The following SGCG variants were observed in gnomAD, a reference collection of about 807,000 sequenced individuals.
The protein encoded by SGCG is gamma-sarcoglycan.
SGCG carries 26 observed loss-of-function variants against 29.3 expected under a neutral mutation model. The observed-to-expected ratio is 0.89, with a 90% confidence interval of 0.65 to 1.23. SGCG has a LOEUF of 1.23. Among genes scored for constraint, SGCG ranks in the 50% most tolerant of loss-of-function variants. SGCG has a pLI of 0.00. For missense variants in SGCG, 353 were observed against 356.0 expected (o/e 0.99, Z 0.07); for synonymous variants, 145 against 129.7 (o/e 1.12, Z -0.80).
intron 4 of SGCG, among the ~76,000 whole-genome samples, chr13:23,251,060 G>A (rs1879946070): frequency 6.6e-6 from 1 of 152,130 alleles, no homozygotes; most frequent in Non-Finnish European, 1.5e-5. Context: ...AGAGACCAGT[G>A]GCTGAGAGCC....
At chr13:23,210,668 G>A (rs1316888946) in intron 2 of SGCG, among the ~76,000 whole-genome samples, 5 of 152,162 alleles carry the variant, frequency 3.3e-5, no homozygotes, top group Admixed American at 3.3e-4. Context: ...TCCAGCCTGG[G>A]CGACAGAGCA....
At chr13:23,282,298 A>G (rs1881336282) in intron 5 of SGCG, among the ~76,000 whole-genome samples, 1 of 152,224 alleles carries the variant, frequency 6.6e-6, no homozygotes, top group African/African-American at 2.4e-5. Flanking sequence ...AACATTGTGT[A>G]GTGCAGGCTT....
intron 6 of SGCG, among the ~76,000 whole-genome samples, chr13:23,298,210 G>A (rs960548262): frequency 6.6e-6 from 1 of 151,842 alleles, no homozygotes; most frequent in Admixed American, 6.6e-5. Context: ...ACAAAAATTA[G>A]CCAGGCGTGG....
At chr13:23,193,561 TG>T (rs1292053518) in intron 1 of SGCG, among the ~76,000 whole-genome samples, 1 of 152,044 alleles carries the variant, frequency 6.6e-6, no homozygotes, top group Non-Finnish European at 1.5e-5. Flanking sequence ...GCTTCTGAGA[TG>T]ATCAACTGGG....
intron 3 of SGCG, among the ~76,000 whole-genome samples, chr13:23,250,073 C>T (rs1257865668): frequency 6.6e-6 from 1 of 151,990 alleles, no homozygotes; most frequent in African/African-American, 2.4e-5. Flanking sequence ...TGTGTATTTT[C>T]TAATGTCTTA....
intron 4 of SGCG, among the ~76,000 whole-genome samples, chr13:23,258,919 C>T (rs1301089695): frequency 6.6e-6 from 1 of 152,056 alleles, no homozygotes. Flanking sequence ...GGTGGCTAAG[C>T]TTTTTGATGT....
At chr13:23,186,185 T>A (rs569047072) in intron 1 of SGCG, among the ~76,000 whole-genome samples, 1 of 152,330 alleles carries the variant, frequency 6.6e-6, no homozygotes, top group South Asian at 2.1e-4. Context: ...CATTCAACTC[T>A]GAAGGGTCTT....
At chr13:23,239,165 T>C (rs1228729032) in intron 3 of SGCG, among the ~76,000 whole-genome samples, 3 of 152,096 alleles carry the variant, frequency 2.0e-5, no homozygotes, top group South Asian at 4.1e-4. Flanking sequence ...CAAGGTACAT[T>C]GTAATTAAAT....
Position 23,206,602 on chromosome 13 carries a change from A to C in SGCG, c.195+2713A>C, listed in dbSNP as rs372107322. On this transcript the variant is annotated intron_variant, in intron 2 of 7. Coordinates refer to ENST00000218867, the MANE Select transcript of SGCG (RefSeq NM_000231.3). ...TTCCACATCTTGATTGACTACTATA[A>C]ATAGTGCTACAATGAACATGAAAGT... 3.3e-3 allele frequency among the ~76,000 whole-genome samples: 502 copies of C among 152,298 alleles called. 1 individual carries two copies. Among genetic ancestry groups the C allele is most frequent in the African/African-American group, 0.011 (473 of 41,566 alleles).
At chr13:23,223,354 ATAATT>A in intron 2 of SGCG, among the ~76,000 whole-genome samples, 1 of 151,972 alleles carries the variant, frequency 6.6e-6, no homozygotes, top group South Asian at 2.1e-4. Context: ...TATAGATGAA[ATAATT>A]TAAAGCATTC....
chr13:23,278,621 T>A (rs370072779), intron 4 of SGCG, among the ~76,000 whole-genome samples: 90 of 152,250 alleles, frequency 5.9e-4, no homozygotes, highest in African/African-American at 2.0e-3. Flanking sequence ...CTGAGGTGCG[T>A]GTGTAGCTGA....
At chr13:23,321,868 A>G (rs1245022088) in intron 7 of SGCG, among the ~76,000 whole-genome samples, 2 of 152,078 alleles carry the variant, frequency 1.3e-5, no homozygotes, top group Non-Finnish European at 2.9e-5. Flanking sequence ...GGCTTACAGC[A>G]CACAGTGCTC....
intron 4 of SGCG, among the ~76,000 whole-genome samples, chr13:23,266,802 C>T (rs1213767838): frequency 6.6e-6 from 1 of 152,156 alleles, no homozygotes; most frequent in African/African-American, 2.4e-5. Flanking sequence ...TTTCCTTACA[C>T]CATGATTGGA....
intron 1 of SGCG, among the ~76,000 whole-genome samples, chr13:23,190,690 C>A (rs761599607): frequency 6.6e-6 from 1 of 152,138 alleles, no homozygotes; most frequent in Non-Finnish European, 1.5e-5. Context: ...ACATTAAATT[C>A]TTGTAATTGA....
intron 6 of SGCG, among the ~76,000 whole-genome samples, chr13:23,309,990 G>A (rs1882502056): frequency 6.6e-6 from 1 of 151,072 alleles, no homozygotes; most frequent in Admixed American, 6.6e-5. Flanking sequence ...TTTAATGCAA[G>A]GTTTGTATGT....
At chr13:23,178,047 G>T (rs1413273025), upstream of SGCG, among the ~76,000 whole-genome samples, 1 of 152,162 alleles carries the variant, frequency 6.6e-6, no homozygotes, top group Non-Finnish European at 1.5e-5. Context: ...GAAGGCATGT[G>T]TGTCAGGTCA....
intron 4 of SGCG, among the ~76,000 whole-genome samples, chr13:23,269,882 TG>T (rs66491038): frequency 0.012 from 1,200 of 97,738 alleles, 42 homozygotes; most frequent in East Asian, 0.072. Context: ...TTGTTTTTTT[TG>T]TTTTTTTTTG....
At chr13:23,167,184 C>T in the SGCG span, among the ~76,000 whole-genome samples, 1 of 152,204 alleles carries the variant, frequency 6.6e-6, no homozygotes, top group Non-Finnish European at 1.5e-5. Flanking sequence ...TTTCACTTAA[C>T]ATAATGTTCT....
chr13:23,312,778 G>T (rs1374524563), intron 6 of SGCG, among the ~76,000 whole-genome samples: 1 of 151,260 alleles, frequency 6.6e-6, no homozygotes, highest in African/African-American at 2.4e-5. Context: ...GATAAATATG[G>T]AGATTTTCTT....
Sources: gnomAD v4.1 joint callset for allele counts (sites outside exome capture counted in the v4.1 genomes callset) on GRCh38, gnomAD v4.1.1 for gene constraint, MANE v1.5 for transcripts, NCBI Gene and HGNC (gene_info 2026-07-23, HGNC 2026-07-21) for gene names.